ANKRD20A1: variants seen among roughly 807,000 people sequenced by gnomAD.
ANKRD20A1 encodes ankyrin repeat domain-containing protein 20A1.
A neutral mutation model predicts 50.9 loss-of-function variants in ANKRD20A1; 2 were observed. The ratio of observed to expected loss-of-function variants is 0.04; its 90% CI spans 0.02 to 0.12. The LOEUF (loss-of-function observed/expected upper bound fraction) is 0.12. Ranked by LOEUF, ANKRD20A1 falls within the 10% of genes least tolerant of loss-of-function variation. ANKRD20A1 has a pLI of 1.00. For missense variants in ANKRD20A1, 31 were observed against 548.1 expected, an observed-to-expected ratio of 0.06 and a Z score of 9.42; for synonymous variants, 10 against 186.2, an observed-to-expected ratio of 0.05 and a Z score of 7.70.
At chr9:67,881,668 G>T (rs529654889) in intron 8 of ANKRD20A1, among the ~76,000 whole-genome samples, 1 of 152,370 alleles carries the variant, frequency 6.6e-6, no homozygotes, top group South Asian at 2.1e-4. Flanking sequence ...GATGGTGCAT[G>T]CCTGTAACCC....
At chr9:67,883,312 TTTTAATGA>T (rs1827829115) in intron 8 of ANKRD20A1, among the ~76,000 whole-genome samples, 1 of 129,808 alleles carries the variant, frequency 7.7e-6, no homozygotes, top group Non-Finnish European at 1.6e-5. Context: ...GTTCCTGACT[TTTTAATGA>T]TCGTCATTGT....
chr9:67,884,862 C>G (rs1242568756), intron 9 of ANKRD20A1, among the ~76,000 whole-genome samples: 7 of 151,226 alleles, frequency 4.6e-5, no homozygotes, highest in African/African-American at 1.7e-4. Flanking sequence ...TGCATTCCAC[C>G]CTGGGCGACA....
chr9:67,890,387 T>C (rs1286280293), intron 11 of ANKRD20A1, among the ~76,000 whole-genome samples: 5 of 129,906 alleles, frequency 3.8e-5, no homozygotes, highest in African/African-American at 1.4e-4. Flanking sequence ...AAACACAATG[T>C]GCCTTTGTTT....
intron 8 of ANKRD20A1, among the ~76,000 whole-genome samples, chr9:67,882,964 ACTCATC>A (rs1452825632): frequency 6.6e-6 from 1 of 151,072 alleles, no homozygotes; most frequent in African/African-American, 2.4e-5. Context: ...AAGGACATGA[ACTCATC>A]CTTTTTTATG....
In ANKRD20A1 at chr9:67,861,211, G is replaced by A. The variant is rs1319329010; in HGVS notation, c.203+1582G>A. On this transcript the variant is annotated intron_variant, in intron 1 of 14. Transcript: ENST00000562196. ...TCACTTTCTATTCTTTATCATTATT[G>A]TGTGTGTTGTTATCTTCTTTGAGCT... 4.1e-5 allele frequency among the ~76,000 whole-genome samples: 2 copies of A among 48,786 alleles called. 1 individual carries two copies. Among genetic ancestry groups the A allele is most frequent in the Admixed American group, 3.2e-4 (2 of 6,330 alleles). The allele number at this position is 48,786 out of a possible 152,430, so 32.0% of individuals were successfully genotyped here. A position where few individuals can be genotyped will look rare whatever the true frequency, so the allele number is the denominator to read the frequency against.
At position 67,861,205 on chromosome 9, in the gene ANKRD20A1, A is replaced by G. The variant is rs1250625281; in HGVS notation, c.203+1576A>G. Among the ~76,000 whole-genome samples, 2 of 48,706 alleles carry G rather than the reference A, an allele frequency of 4.1e-5. 1 individual carries two copies. Among genetic ancestry groups the G allele is most frequent in the Non-Finnish European group, 8.3e-5 (2 of 24,212 alleles). The allele number at this position is 48,706 out of a possible 152,430, so 32.0% of individuals were successfully genotyped here. Reference sequence around the variant, plus strand: ...AATTTCTCACTTTCTATTCTTTATCATTATTGTGTGTGTTGTTATCTTCTT... The same window carrying G: ...AATTTCTCACTTTCTATTCTTTATCGTTATTGTGTGTGTTGTTATCTTCTT... On this transcript the variant is annotated intron_variant, in intron 1 of 14. Transcript: ENST00000562196.
At position 67,900,533 on chromosome 9, in the gene ANKRD20A1, A is replaced by C. The variant is rs754052503; in HGVS notation, c.1538A>C (p.Glu513Ala). The C allele has an allele frequency of 4.2e-6, 4 of 959,838 alleles. 1 individual carries two copies. In the South Asian group the frequency reaches 7.4e-5, roughly 18 times the overall value. The allele number at this position is 959,838 out of a possible 1,614,324, so 59.5% of individuals were successfully genotyped here. The change falls in exon 15 of 15, where the codon GAA (glutamate) becomes GCA (alanine). Residue 513 changes from glutamate (E) to alanine (A), a missense_variant. Coordinates refer to ENST00000562196, the MANE Select transcript of ANKRD20A1 (RefSeq NM_032250.5). ...NHEEMKGLMD[E>A]NCILKADIAI... ...GAAGAAATGAAAGGTCTGATGGATG[A>C]AAATTGCATTTTGAAGGCAGATATT...
At chr9:67,891,249 G>C (rs1156819086) in intron 11 of ANKRD20A1, among the ~76,000 whole-genome samples, 7 of 133,824 alleles carry the variant, frequency 5.2e-5, no homozygotes, top group Non-Finnish European at 6.5e-5. Flanking sequence ...AGCTGAGATT[G>C]CACCACTGCA....
chr9:67,884,754 G>A (rs1261022201), intron 9 of ANKRD20A1, among the ~76,000 whole-genome samples, 184 bp downstream of exon 9: 11 of 150,776 alleles, frequency 7.3e-5, no homozygotes, highest in Non-Finnish European at 1.6e-4. Flanking sequence ...GCCAGGTGTT[G>A]TTGTGGGCGC....
At chr9:67,868,380 AAAGT>A (rs1827610366) in intron 4 of ANKRD20A1, 45 bp from the exon 5 acceptor site, 1 of 810,008 alleles carries the variant, frequency 1.2e-6, no homozygotes, top group African/African-American at 1.9e-5. Flanking sequence ...GCTTTTTAAA[AAAGT>A]CTTTATTAAA....
intron 6 of ANKRD20A1, among the ~76,000 whole-genome samples, chr9:67,871,492 C>T: frequency 7.4e-6 from 1 of 135,934 alleles, no homozygotes; most frequent in East Asian, 2.2e-4. Context: ...ATTATGATCC[C>T]TAAAATCCTA....
At chr9:67,881,143 G>T (rs866451625) in intron 8 of ANKRD20A1, among the ~76,000 whole-genome samples, 1 of 150,530 alleles carries the variant, frequency 6.6e-6, no homozygotes, top group Non-Finnish European at 1.5e-5. Flanking sequence ...ACTGAGTGTG[G>T]TGGTGTACAC....
chr9:67,881,511 A>T (rs1381746285), intron 8 of ANKRD20A1, among the ~76,000 whole-genome samples: 9 of 151,610 alleles, frequency 5.9e-5, no homozygotes, highest in African/African-American at 2.2e-4. Context: ...ACTCACCTGT[A>T]ATCCCAGCAG....
chr9:67,885,327 T>C (rs1289542605), intron 9 of ANKRD20A1, among the ~76,000 whole-genome samples: 11 of 151,994 alleles, frequency 7.2e-5, no homozygotes, highest in Admixed American at 2.0e-4. Flanking sequence ...GTCAGAGAAT[T>C]ACAGTAACAT....
At chr9:67,885,076 C>T (rs1348159735) in intron 9 of ANKRD20A1, among the ~76,000 whole-genome samples, 1 of 149,186 alleles carries the variant, frequency 6.7e-6, no homozygotes, top group African/African-American at 2.4e-5. Context: ...ACTAAAGGAG[C>T]TGAGTTGTGA....
chr9:67,881,079 CTTATA>C (rs1363206364), intron 8 of ANKRD20A1, among the ~76,000 whole-genome samples: 3 of 150,100 alleles, frequency 2.0e-5, no homozygotes, highest in South Asian at 2.1e-4. Context: ...TGTTTTTCTA[CTTATA>C]TTATTGGTTC....
chr9:67,881,711 C>T (rs1827800238), intron 8 of ANKRD20A1, among the ~76,000 whole-genome samples: 1 of 151,714 alleles, frequency 6.6e-6, no homozygotes, highest in Admixed American at 6.6e-5. Flanking sequence ...GGGAGAATCG[C>T]TTGAACCCGG....
At position 67,871,166 on chromosome 9, in the gene ANKRD20A1, A is replaced by G. The variant is rs1827639244; in HGVS notation, c.747A>G (p.Gln249=). Reference sequence around the variant, plus strand: ...ACTTTTGTATACATAGAATTCAACAACAAATTTTGGAACATAAAAAGAAGA... The same window carrying G: ...ACTTTTGTATACATAGAATTCAACAGCAAATTTTGGAACATAAAAAGAAGA... ...AISHHLTKIQ[Q]QILEHKKKIL... Residue 249 remains glutamine (Q), a synonymous_variant, in exon 6 of 15, where the codon CAA becomes CAG. Coordinates refer to ENST00000562196, the MANE Select transcript of ANKRD20A1 (RefSeq NM_032250.5). 1 of 1,465,522 alleles carries G rather than the reference A, an allele frequency of 6.8e-7. No homozygotes were observed. The highest frequency in any genetic ancestry group is 1.5e-5 in the African/African-American group (1 of 68,942). The allele number at this position is 1,465,522 out of a possible 1,614,324, so 90.8% of individuals were successfully genotyped here. A position where few individuals can be genotyped will look rare whatever the true frequency, so the allele number is the denominator to read the frequency against.
intron 8 of ANKRD20A1, among the ~76,000 whole-genome samples, chr9:67,881,044 G>C (rs375281615): frequency 6.9e-6 from 1 of 145,386 alleles, no homozygotes; most frequent in African/African-American, 2.5e-5. Flanking sequence ...TATTATTTTG[G>C]TATCATATTG....
Sources: gnomAD v4.1 joint callset for allele counts (sites outside exome capture counted in the v4.1 genomes callset) on GRCh38, gnomAD v4.1.1 for gene constraint, MANE v1.5 for transcripts, NCBI Gene and HGNC (gene_info 2026-07-23, HGNC 2026-07-21) for gene names.